KANK1: variants seen among roughly 807,000 people sequenced by gnomAD.
KANK1 encodes the protein KN motif and ankyrin repeat domain-containing protein 1.
Under a neutral mutation model 106.2 loss-of-function variants are expected in KANK1, and 109 were observed. The observed-to-expected ratio is 1.03, with a 90% CI of 0.88 to 1.20. The LOEUF is 1.20. Among genes scored for constraint, KANK1 ranks in the 50% most tolerant of loss-of-function variants. The probability of loss-of-function intolerance (pLI) is 0.00; values close to 1 mark genes in which losing one functional copy is unlikely to be tolerated. For synonymous variants in KANK1, 873 were observed against 652.2 expected (o/e 1.34, Z -5.16); for missense variants, 2,399 against 1,710.7 (o/e 1.40, Z -7.10).
At chr9:563,246 C>G (rs567183323) in intron 1 of KANK1, among the ~76,000 whole-genome samples, 31 of 151,818 alleles carry the variant, frequency 2.0e-4, no homozygotes, top group African/African-American at 6.8e-4. Flanking sequence ...ATGTGTAGCC[C>G]TCCCCAGAGT....
At chr9:652,586 G>C (rs922929620) in intron 1 of KANK1, among the ~76,000 whole-genome samples, 2 of 152,120 alleles carry the variant, frequency 1.3e-5, no homozygotes, top group Admixed American at 1.3e-4. Flanking sequence ...ATAAAGGAAG[G>C]TCAAATGAGA....
intron 1 of KANK1, 67 bp from the exon 2 acceptor site, chr9:676,823 A>T (rs1588832392): frequency 3.4e-6 from 2 of 596,964 alleles, no homozygotes; most frequent in East Asian, 5.7e-5. Context: ...TGTAAACAGA[A>T]GTCTAAGATT....
At position 711,399 on chromosome 9, in the gene KANK1, G is replaced by T. The variant is rs114076603; in HGVS notation, c.633G>T (p.Gln211His). The T allele has an allele frequency of 6.2e-7, 1 of 1,614,040 alleles. No individual in the cohort carries two copies. Among genetic ancestry groups the T allele is most frequent in the African/African-American group, 1.3e-5 (1 of 74,932 alleles). Residue 211 changes from glutamine (Q) to histidine (H), a missense_variant, in exon 3 of 12, where the codon CAG (glutamine) becomes CAT (histidine). Transcript: ENST00000382297. ...GAAACCACAATCCTGCCAAGCACCA[G>T]CTTCAGAATGGATACCAAGGTAATG... ...GSGNHNPAKH[Q>H]LQNGYQGNGD...
intron 1 of KANK1, among the ~76,000 whole-genome samples, chr9:522,806 C>G (rs2059610377): frequency 1.3e-5 from 2 of 151,650 alleles, no homozygotes; most frequent in Non-Finnish European, 2.9e-5. Context: ...GACCACCAGC[C>G]TCTGACCTAC....
At chr9:721,390 A>G (rs1829288449) in intron 3 of KANK1, among the ~76,000 whole-genome samples, 1 of 152,192 alleles carries the variant, frequency 6.6e-6, no homozygotes. Flanking sequence ...ATTCCTTATG[A>G]AAAATGTCAG....
At chr9:486,872 T>C (rs1322414665) in intron 3 of KANK1, among the ~76,000 whole-genome samples, 1 of 152,214 alleles carries the variant, frequency 6.6e-6, no homozygotes, top group Non-Finnish European at 1.5e-5. Context: ...CTAAACACAG[T>C]AAAAGTAAAG....
intron 3 of KANK1, among the ~76,000 whole-genome samples, chr9:724,774 G>T (rs1160520135): frequency 1.3e-5 from 2 of 151,730 alleles, no homozygotes; most frequent in Non-Finnish European, 2.9e-5. Flanking sequence ...TGCATTCCAG[G>T]CTGGGCGACA....
At chr9:573,370 C>T (rs1040295077) in intron 1 of KANK1, among the ~76,000 whole-genome samples, 15 of 152,080 alleles carry the variant, frequency 9.9e-5, no homozygotes, top group Non-Finnish European at 2.1e-4. Flanking sequence ...CCTGGGTTCA[C>T]GCCATTCTCT....
intron 1 of KANK1, among the ~76,000 whole-genome samples, chr9:617,805 C>T (rs987406548): frequency 6.6e-6 from 1 of 152,202 alleles, no homozygotes; most frequent in Non-Finnish European, 1.5e-5. Flanking sequence ...TTCCTCTTTC[C>T]TGCTCAGGTT....
chr9:651,640 G>A (rs1041675345), intron 1 of KANK1, among the ~76,000 whole-genome samples: 1 of 152,214 alleles, frequency 6.6e-6, no homozygotes, highest in African/African-American at 2.4e-5. Context: ...TCTTAGGACA[G>A]AAGTCTGGAG....
chr9:678,507 T>C (rs1816851216), intron 2 of KANK1, among the ~76,000 whole-genome samples: 1 of 152,072 alleles, frequency 6.6e-6, no homozygotes, highest in Non-Finnish European at 1.5e-5. Context: ...GGGGGATGGA[T>C]CACCCAAGGT....
intron 2 of KANK1, among the ~76,000 whole-genome samples, chr9:696,394 A>C (rs532473295): frequency 3.9e-5 from 6 of 152,326 alleles, no homozygotes; most frequent in Admixed American, 1.3e-4. Flanking sequence ...GTATATAGGC[A>C]AAGTGACTTA....
intron 1 of KANK1, among the ~76,000 whole-genome samples, chr9:603,789 G>A (rs546423500): frequency 2.7e-5 from 4 of 150,848 alleles, no homozygotes; most frequent in African/African-American, 7.4e-5. Flanking sequence ...AACCCACCCC[G>A]TCTCTACTAA....
intron 1 of KANK1, among the ~76,000 whole-genome samples, chr9:640,102 T>G (rs1053896535): frequency 6.6e-6 from 1 of 152,200 alleles, no homozygotes; most frequent in Admixed American, 6.5e-5. Context: ...AACTCCACAT[T>G]TGAGTTAAGA....
intron 1 of KANK1, among the ~76,000 whole-genome samples, chr9:597,312 C>A (rs1443991681): frequency 6.6e-6 from 1 of 151,844 alleles, no homozygotes; most frequent in Non-Finnish European, 1.5e-5. Context: ...AGGGCCAAAC[C>A]ATTTCTAGTC....
chr9:725,665 CCCCATCCCAGAA>C (rs1830462611), intron 3 of KANK1, among the ~76,000 whole-genome samples: 1 of 152,002 alleles, frequency 6.6e-6, no homozygotes, highest in Non-Finnish European at 1.5e-5. Flanking sequence ...ATCACTTGGC[CCCCATCCCAGAA>C]CTGCAGAATG....
Position 658,285 on chromosome 9 carries a change from A to G in KANK1, c.-83-18605A>G, listed in dbSNP as rs369659002. On this transcript the variant is annotated intron_variant, in intron 1 of 11. Coordinates refer to ENST00000382297, the MANE Select transcript of KANK1 (RefSeq NM_015158.5). ...TTATTTTACTCATCCGCTTAAACCCATCAATGACTTTTAACTTAGAAGAAA... is the reference window on the plus strand; with the variant it reads ...TTATTTTACTCATCCGCTTAAACCCGTCAATGACTTTTAACTTAGAAGAAA... 9.7e-4 allele frequency among the ~76,000 whole-genome samples: 147 copies of G among 152,230 alleles called. 2 individuals are homozygous for G. Among genetic ancestry groups the G allele is most frequent in the South Asian group, 2.1e-3 (10 of 4,824 alleles).
chr9:725,773 T>C (rs938049644), intron 3 of KANK1, among the ~76,000 whole-genome samples: 7 of 152,330 alleles, frequency 4.6e-5, no homozygotes, highest in African/African-American at 1.7e-4. Flanking sequence ...AGAGCAGTTT[T>C]AGGGCTTGTT....
At chr9:655,013 TGC>T (rs1841807618) in intron 1 of KANK1, among the ~76,000 whole-genome samples, 1 of 152,146 alleles carries the variant, frequency 6.6e-6, no homozygotes. Flanking sequence ...AATATACTTC[TGC>T]TCAGGTCTCA....
Sources: allele counts gnomAD v4.1 joint callset (sites outside exome capture counted in the v4.1 genomes callset), GRCh38; gene constraint gnomAD v4.1.1; transcripts MANE v1.5; gene names NCBI Gene and HGNC (gene_info 2026-07-23, HGNC 2026-07-21).